The following LRRC9 variants were observed in gnomAD, a reference collection of about 807,000 sequenced individuals.
LRRC9 encodes leucine-rich repeat-containing protein 9.
Under a neutral mutation model 63.2 loss-of-function variants are expected in LRRC9, and 122 were observed. The observed-to-expected ratio is 1.93, with a 90% CI of 1.67 to 2.24. LRRC9 has a LOEUF of 2.24. LRRC9 is among the 30% of genes most tolerant of loss of function. The probability of loss-of-function intolerance (pLI) is 0.00; values close to 1 mark genes in which losing one functional copy is unlikely to be tolerated. For synonymous variants in LRRC9, 366 were observed against 213.1 expected, an observed-to-expected ratio of 1.72 and a Z score of -6.25; for missense variants, 1,071 against 627.7, an observed-to-expected ratio of 1.71 and a Z score of -7.55.
At chr14:60,000,308 G>A (rs1209583610) in intron 19 of LRRC9, among the ~76,000 whole-genome samples, 1 of 152,052 alleles carries the variant, frequency 6.6e-6, no homozygotes, top group Non-Finnish European at 1.5e-5. Context: ...GGAGGGAGAT[G>A]GGCAGAGCTG....
chr14:60,044,267 TTC>T (rs773673613), intron 29 of LRRC9, among the ~76,000 whole-genome samples: 18 of 152,122 alleles, frequency 1.2e-4, no homozygotes, highest in Non-Finnish European at 2.6e-4. Flanking sequence ...TTTGTTGATC[TTC>T]TGTTTTTTAG....
At position 59,938,942 on chromosome 14, in the gene LRRC9, TATAC is replaced by T. The variant is rs59313505; in HGVS notation, c.726+378_726+381del. ...ATGCATATATATACACATATATACA[TATAC>T]ATACATATATACACACATATATACA... On this transcript the variant is annotated intron_variant, in intron 7 of 31. Transcript: ENST00000445360. The surrounding 1 kb of genome is among the most constrained non-coding windows in gnomAD (Gnocchi z 4.2). Among the ~76,000 whole-genome samples the T allele has an allele frequency of 0.13, 16,075 of 127,968 alleles. 993 individuals carry two copies. Among genetic ancestry groups the T allele is most frequent in the South Asian group, 0.3 (1,254 of 4,230 alleles). 84.0% of individuals were successfully genotyped at this position (127,968 alleles called of 152,430 possible). A position where few individuals can be genotyped will look rare whatever the true frequency, so the allele number is the denominator to read the frequency against.
chr14:59,940,228 C>T (rs1053148840), intron 7 of LRRC9, among the ~76,000 whole-genome samples: 3 of 152,058 alleles, frequency 2.0e-5, no homozygotes, highest in African/African-American at 7.2e-5. Context: ...TATTTATCCT[C>T]CCTTTACCTT....
chr14:60,009,232 C>A (rs219373), intron 23 of LRRC9, among the ~76,000 whole-genome samples: 114,899 of 152,140 alleles, frequency 0.76, 45,204 homozygotes, highest in Non-Finnish European at 0.87. Context: ...TTAGTCTGAA[C>A]TCTGCTACTA....
intron 10 of LRRC9, among the ~76,000 whole-genome samples, chr14:59,963,918 C>T (rs931445293): frequency 3.9e-5 from 6 of 152,042 alleles, no homozygotes; most frequent in East Asian, 1.9e-4. Flanking sequence ...CATTTAAAAA[C>T]GTGTGTAGCC....
chr14:60,010,462 AC>A (rs36006690), intron 23 of LRRC9, among the ~76,000 whole-genome samples: 111,764 of 151,818 alleles, frequency 0.74, 43,606 homozygotes, highest in Non-Finnish European at 0.87. Flanking sequence ...ACTCCAGGAA[AC>A]CGTTTTTCCC....
At chr14:60,036,694 C>T (rs1186002165) in intron 29 of LRRC9, among the ~76,000 whole-genome samples, 5 of 149,720 alleles carry the variant, frequency 3.3e-5, no homozygotes, top group African/African-American at 4.9e-5. Context: ...GTGGTGTTTG[C>T]CAGATTTTTC....
Position 59,957,082 on chromosome 14 carries a change from T to C in LRRC9, c.883-2736T>C, listed in dbSNP as rs188417528. ...TAACATTTTTTCCTTTGTTTCAACCTTGGAGAATCTCACGATGTGTCTTGG... is the reference window on the plus strand; with the variant it reads ...TAACATTTTTTCCTTTGTTTCAACCCTGGAGAATCTCACGATGTGTCTTGG... On this transcript the variant is annotated intron_variant, in intron 8 of 31. Transcript: ENST00000445360. Among the ~76,000 whole-genome samples, 75 of 152,324 alleles carry C rather than the reference T, an allele frequency of 4.9e-4. 1 individual carries two copies. Among genetic ancestry groups the C allele is most frequent in the Admixed American group, 1.0e-3 (16 of 15,302 alleles).
intron 1 of LRRC9, among the ~76,000 whole-genome samples, chr14:59,920,814 T>C (rs1211604563): frequency 6.6e-6 from 1 of 152,254 alleles, no homozygotes; most frequent in Non-Finnish European, 1.5e-5. Context: ...AACGATTATG[T>C]CTTTAAATTA....
intron 8 of LRRC9, among the ~76,000 whole-genome samples, chr14:59,959,269 C>T (rs1884115751): frequency 1.3e-5 from 2 of 152,044 alleles, no homozygotes; most frequent in Non-Finnish European, 2.9e-5. Context: ...CCCAAAATAA[C>T]AAAATCTTAA....
chr14:60,032,102 TG>T, intron 29 of LRRC9, 39 bp downstream of exon 29: 1 of 670,944 alleles, frequency 1.5e-6, no homozygotes, highest in South Asian at 1.7e-5. Context: ...GTTAATTTAC[TG>T]GTAGTTTTAT....
rs1344375250 is a variant in LRRC9, at chr14:60,053,828, C to T, written c.4131+623C>T. The stretch of plus-strand genomic sequence containing the variant: ...GACCACCTAGTTTCTTCATGACCAT[C>T]TTCTAAAGACTAAATTTAACACAGA... On this transcript the variant is annotated intron_variant, in intron 30 of 31. Coordinates refer to ENST00000445360, the Ensembl canonical transcript of LRRC9. This position sits in a 1 kb window ranked among gnomAD's most constrained non-coding sequence, Gnocchi z 4.8. 1 of 423,794 alleles carries T rather than the reference C, an allele frequency of 2.4e-6. No individual in the cohort carries two copies. The highest frequency in any genetic ancestry group is 3.0e-5 in the Admixed American group (1 of 33,312). 26.3% of individuals were successfully genotyped at this position (423,794 alleles called of 1,614,324 possible).
At chr14:59,994,537 T>C (rs1383450608) in intron 17 of LRRC9, among the ~76,000 whole-genome samples, 1 of 152,260 alleles carries the variant, frequency 6.6e-6, no homozygotes, top group African/African-American at 2.4e-5. Flanking sequence ...TTACAAATCA[T>C]GCTGCTATAA....
rs1378299839 is a variant in LRRC9, at chr14:60,036,492, T to C, written c.3990+4429T>C. On this transcript the variant is annotated intron_variant, in intron 29 of 31. Transcript: ENST00000445360. ...TGATGATTCCTTCACATTGATGACT[T>C]TGACTCTTCTGAAGATTACGGACCA... 7.9e-5 allele frequency among the ~76,000 whole-genome samples: 12 copies of C among 152,322 alleles called. No individual in the cohort carries two copies. The East Asian group carries it at 2.3e-3, about 29-fold the overall frequency.
intron 31 of LRRC9, 114 bp from the exon 33 acceptor site, chr14:60,063,209 A>C: frequency 3.2e-6 from 2 of 627,514 alleles, no homozygotes; most frequent in South Asian, 1.8e-5. Flanking sequence ...GTCTTTTTGA[A>C]ATTGCGCACA....
chr14:59,945,726 G>A (rs545465694), intron 8 of LRRC9, among the ~76,000 whole-genome samples: 3 of 151,892 alleles, frequency 2.0e-5, no homozygotes, highest in Non-Finnish European at 4.4e-5. Context: ...ATAAAAAGGT[G>A]CTCATATGTA....
intron 10 of LRRC9, among the ~76,000 whole-genome samples, chr14:59,965,268 C>T (rs1884715363): frequency 1.3e-5 from 2 of 152,150 alleles, no homozygotes; most frequent in African/African-American, 4.8e-5. Flanking sequence ...TCCTCCTCCT[C>T]CAATTTTCAG....
chr14:59,995,015 A>AAT (rs1888603863), intron 17 of LRRC9, among the ~76,000 whole-genome samples: 1 of 151,902 alleles, frequency 6.6e-6, no homozygotes, highest in Non-Finnish European at 1.5e-5. Flanking sequence ...TAATAAAAAA[A>AAT]AAAGAAAATA....
At chr14:59,949,629 G>A (rs1882884589) in intron 8 of LRRC9, among the ~76,000 whole-genome samples, 1 of 151,138 alleles carries the variant, frequency 6.6e-6, no homozygotes, top group Admixed American at 6.6e-5. Flanking sequence ...TCTCTTGTGG[G>A]CATTTAGTGC....
Sources: allele counts gnomAD v4.1 joint callset (sites outside exome capture counted in the v4.1 genomes callset), GRCh38; gene constraint gnomAD v4.1.1; non-coding constraint Gnocchi (gnomAD v3.1); transcripts MANE v1.5; gene names NCBI Gene and HGNC (gene_info 2026-07-23, HGNC 2026-07-21).